The following PDCD2L variants were observed in gnomAD, a reference collection of about 807,000 sequenced individuals.
PDCD2L encodes programmed cell death 2 like.
In PDCD2L, 44 loss-of-function variants were observed where a neutral mutation model predicts 40.4. The observed-to-expected ratio is 1.09, with a 90% CI of 0.86 to 1.40. PDCD2L has a LOEUF of 1.40. Among genes scored for constraint, PDCD2L ranks in the 40% most tolerant of loss-of-function variants. PDCD2L has a pLI of 0.00. For missense variants in PDCD2L, 470 were observed against 453.7 expected (o/e 1.04, Z -0.33); for synonymous variants, 194 against 174.6 (o/e 1.11, Z -0.88).
intron 4 of PDCD2L, among the ~76,000 whole-genome samples, chr19:34,412,368 A>C (rs1251396766): frequency 6.6e-6 from 1 of 152,100 alleles, no homozygotes; most frequent in Non-Finnish European, 1.5e-5. Context: ...GCTTGGGAGA[A>C]GGGTTGGGCA....
intron 5 of PDCD2L, among the ~76,000 whole-genome samples, chr19:34,418,416 T>C (rs964871511): frequency 6.6e-6 from 1 of 152,228 alleles, no homozygotes; most frequent in Non-Finnish European, 1.5e-5. Context: ...TCTGGTTTTA[T>C]TCACTTAGAA....
intron 5 of PDCD2L, among the ~76,000 whole-genome samples, chr19:34,419,397 C>T (rs572642997): frequency 5.1e-4 from 77 of 152,230 alleles, no homozygotes; most frequent in African/African-American, 1.4e-3. Flanking sequence ...TCAGGTGACC[C>T]GCCTGCCTTG....
intron 5 of PDCD2L, among the ~76,000 whole-genome samples, chr19:34,414,506 G>A (rs1342701884): frequency 7.3e-6 from 1 of 137,010 alleles, no homozygotes; most frequent in East Asian, 2.1e-4. Flanking sequence ...TTTTTTTGGG[G>A]GCAGGGTCTT....
At chr19:34,421,948 C>A in intron 6 of PDCD2L, 1 of 199,914 alleles carries the variant, frequency 5.0e-6, no homozygotes, top group East Asian at 1.3e-4. Context: ...ATTAGCTGGG[C>A]GTGGTGGCAC....
At chr19:34,417,833 T>C (rs1599874083) in intron 5 of PDCD2L, among the ~76,000 whole-genome samples, 1 of 152,222 alleles carries the variant, frequency 6.6e-6, no homozygotes, top group African/African-American at 2.4e-5. Flanking sequence ...TATTCAAAGA[T>C]AAAATTGGGA....
At position 34,421,573 on chromosome 19, in the gene PDCD2L, C is replaced by T. The variant is rs774376040; in HGVS notation, c.852C>T (p.Thr284=). The T allele has an allele frequency of 2.5e-5, 40 of 1,613,916 alleles. No individual in the cohort carries two copies. The highest frequency in any genetic ancestry group is 4.5e-5 in the East Asian group (2 of 44,876). ...TGACCTGCCCTACATCAGAAGTCAC[C>T]GAGCTCCCAGCCTGCAGCCAGTGTG... ...LFLTCPTSEV[T]ELPACSQCGG... The change falls in exon 6 of 7, where the codon ACC becomes ACT. Residue 284 remains threonine (T), a synonymous_variant. Transcript: ENST00000246535.
chr19:34,425,717 A>G (rs1381407605), intron 6 of PDCD2L, among the ~76,000 whole-genome samples: 1 of 152,162 alleles, frequency 6.6e-6, no homozygotes, highest in Non-Finnish European at 1.5e-5. Flanking sequence ...GATTTTCAAC[A>G]TCAGATAGCT....
rs201192470 is a variant in PDCD2L, at chr19:34,407,466, ACT to A, written c.337-1690_337-1689del. Among the ~76,000 whole-genome samples the A allele has an allele frequency of 8.7e-3, 1,319 of 151,928 alleles. 10 individuals carry two copies. Among genetic ancestry groups the A allele is most frequent in the South Asian group, 0.014 (66 of 4,810 alleles). On this transcript the variant is annotated intron_variant, in intron 3 of 6. Transcript: ENST00000246535. ...TCCAGATTTCTTTAACCACCACTCT[ACT>A]CTCTACTTCTTTGAGGTTGTTTTAG...
Position 34,422,864 on chromosome 19 carries a change from C to T in PDCD2L, c.946+1197C>T, listed in dbSNP as rs568569217. 1.4e-3 allele frequency among the ~76,000 whole-genome samples: 218 copies of T among 152,086 alleles called. 2 individuals are homozygous for T. Among genetic ancestry groups the T allele is most frequent in the African/African-American group, 5.0e-3 (209 of 41,512 alleles). ...CCAAGGAGCTGGGACTACAGGCGCC[C>T]GCAACCAAGCCCAGCTAATTTTTTT... is the stretch of plus-strand genomic sequence containing the variant. On this transcript the variant is annotated intron_variant, in intron 6 of 6. Transcript: ENST00000246535.
intron 5 of PDCD2L, among the ~76,000 whole-genome samples, chr19:34,421,038 A>G (rs2075148371): frequency 6.6e-6 from 1 of 152,220 alleles, no homozygotes; most frequent in Non-Finnish European, 1.5e-5. Flanking sequence ...TTGCGCTCCT[A>G]TGAGAATCTA....
chr19:34,423,054 C>G (rs754296561), intron 6 of PDCD2L, among the ~76,000 whole-genome samples: 12 of 152,048 alleles, frequency 7.9e-5, no homozygotes, highest in Non-Finnish European at 1.8e-4. Flanking sequence ...CTAAGAGGCC[C>G]AAGTTTCTGA....
intron 4 of PDCD2L, among the ~76,000 whole-genome samples, chr19:34,410,934 G>A (rs945293713): frequency 4.0e-5 from 6 of 150,838 alleles, no homozygotes; most frequent in African/African-American, 9.7e-5. Flanking sequence ...ACAGGTGCGC[G>A]CCACCACACC....
At chr19:34,419,923 C>T (rs2075142539) in intron 5 of PDCD2L, among the ~76,000 whole-genome samples, 3 of 151,654 alleles carry the variant, frequency 2.0e-5, no homozygotes, top group Admixed American at 1.3e-4. Context: ...GCTGGGACCA[C>T]AGGCGTGCAC....
intron 6 of PDCD2L, among the ~76,000 whole-genome samples, chr19:34,425,116 CTT>C (rs1166067143): frequency 2.0e-5 from 3 of 152,154 alleles, no homozygotes; most frequent in Admixed American, 6.6e-5. Context: ...ACGTCATCCT[CTT>C]GACTCCTGCT....
intron 6 of PDCD2L, among the ~76,000 whole-genome samples, chr19:34,423,743 C>T (rs1260136237): frequency 6.6e-6 from 1 of 151,912 alleles, no homozygotes; most frequent in Non-Finnish European, 1.5e-5. Context: ...TCCACCTCGA[C>T]CTCCCAAAGT....
At chr19:34,409,936 G>A (rs2075094520) in intron 4 of PDCD2L, among the ~76,000 whole-genome samples, 1 of 152,172 alleles carries the variant, frequency 6.6e-6, no homozygotes, top group Non-Finnish European at 1.5e-5. Context: ...ACTGGCCCAG[G>A]ACCTCAGAGA....
chr19:34,404,926 GA>G lies in PDCD2L; in HGVS notation c.276-2del. The G allele has an allele frequency of 1.2e-6, 2 of 1,614,108 alleles. No individual in the cohort carries two copies. The highest frequency in any genetic ancestry group is 8.5e-7 in the Non-Finnish European group (1 of 1,180,028). On this transcript the variant is annotated splice_polypyrimidine_tract_variant and splice_region_variant and intron_variant, in intron 2 of 6. Coordinates refer to ENST00000246535, the MANE Select transcript of PDCD2L (RefSeq NM_032346.2). ...CCTCACGGCCCTTTGTCTTCACCCC[GA>G]AGCTGGAAGGTGTTCCGCTCCCAGT...
At chr19:34,423,365 G>A (rs2075161622) in intron 6 of PDCD2L, among the ~76,000 whole-genome samples, 1 of 149,872 alleles carries the variant, frequency 6.7e-6, no homozygotes, top group Non-Finnish European at 1.5e-5. Context: ...TATATTTTTG[G>A]TAGAAACAGG....
Position 34,404,419 on chromosome 19 carries a change from C to T in PDCD2L, c.-12C>T, listed in dbSNP as rs1161538765. On this transcript the variant is annotated 5_prime_UTR_variant, in exon 1 of 7. Transcript: ENST00000246535. ...GCCGTAGTTTGCGTTTTCACCTGGT[C>T]GCCCGGCGGCCATGGCGGCCGTTCT... 11 of 1,539,028 alleles carry T rather than the reference C, an allele frequency of 7.1e-6. No individual in the cohort carries two copies. Among genetic ancestry groups the T allele is most frequent in the Admixed American group, 2.0e-5 (1 of 49,068 alleles).
Sources: gnomAD v4.1 joint callset for allele counts (sites outside exome capture counted in the v4.1 genomes callset) on GRCh38, gnomAD v4.1.1 for gene constraint, MANE v1.5 for transcripts, NCBI Gene and HGNC (gene_info 2026-07-23, HGNC 2026-07-21) for gene names.